The following FNBP1L variants were observed in gnomAD, a reference collection of about 807,000 sequenced individuals.
FNBP1L encodes the protein formin-binding protein 1-like.
FNBP1L carries 36 observed loss-of-function variants against 91.2 expected under a neutral mutation model. The ratio of observed to expected loss-of-function variants is 0.39; its 90% CI spans 0.30 to 0.52. FNBP1L has a LOEUF of 0.52. Ranked by LOEUF, FNBP1L falls within the 20% of genes least tolerant of loss-of-function variation. The pLI is 0.66. For missense variants in FNBP1L, 571 were observed against 732.1 expected (o/e 0.78, Z 2.54); for synonymous variants, 242 against 237.0 (o/e 1.02, Z -0.19).
At chr1:93,452,674 C>A (rs905992911) in intron 1 of FNBP1L, among the ~76,000 whole-genome samples, 2 of 152,142 alleles carry the variant, frequency 1.3e-5, no homozygotes, top group African/African-American at 4.8e-5. Flanking sequence ...AATCGTCCTT[C>A]CTTAAGCTCT....
intron 2 of FNBP1L, among the ~76,000 whole-genome samples, chr1:93,509,499 G>A (rs1218812913): frequency 1.3e-5 from 2 of 152,218 alleles, no homozygotes; most frequent in African/African-American, 2.4e-5. Flanking sequence ...TCCACAAGCT[G>A]TTACAAAAGA....
chr1:93,546,255 A>G (rs1313283671), intron 12 of FNBP1L, among the ~76,000 whole-genome samples: 1 of 152,122 alleles, frequency 6.6e-6, no homozygotes, highest in East Asian at 1.9e-4. Context: ...GAAGGAAAAG[A>G]GTATTAAGGA....
Position 93,483,016 on chromosome 1 carries a change from T to TAA in FNBP1L, c.25-16445_25-16444dup, listed in dbSNP as rs761508055. ...CTGGACGACAGAGCAAGACTCCGTCTAAAAAAAACAAAAAAAACAAAAAAC... is the reference window on the plus strand; with the variant it reads ...CTGGACGACAGAGCAAGACTCCGTCTAAAAAAAAAACAAAAAAAACAAAAAAC... On this transcript the variant is annotated intron_variant, in intron 1 of 16. Coordinates refer to ENST00000271234, the MANE Select transcript of FNBP1L (RefSeq NM_001164473.3). Among the ~76,000 whole-genome samples the TAA allele has an allele frequency of 2.3e-3, 268 of 115,332 alleles. 4 individuals carry two copies. Among genetic ancestry groups the TAA allele is most frequent in the African/African-American group, 7.3e-3 (224 of 30,896 alleles). 75.7% of individuals were successfully genotyped at this position (115,332 alleles called of 152,430 possible).
chr1:93,494,922 A>G (rs1670213921), intron 1 of FNBP1L, among the ~76,000 whole-genome samples: 1 of 152,144 alleles, frequency 6.6e-6, no homozygotes, highest in Non-Finnish European at 1.5e-5. Context: ...ATCAGATCTC[A>G]TGAGACTTAT....
Position 93,518,620 on chromosome 1 carries a change from A to C in FNBP1L, c.141-3462A>C, listed in dbSNP as rs138670176. The stretch of plus-strand genomic sequence containing the variant: ...GTAAAAGAAGATTAAAAAGTAGATA[A>C]ATTTCATTTTAGACTTGTTGAATAG... On this transcript the variant is annotated intron_variant, in intron 2 of 16. Coordinates refer to ENST00000271234, the MANE Select transcript of FNBP1L (RefSeq NM_001164473.3). 5.6e-4 allele frequency among the ~76,000 whole-genome samples: 86 copies of C among 152,242 alleles called. 1 individual carries two copies. The East Asian group carries it at 0.014, about 24-fold the overall frequency.
At chr1:93,482,816 G>A (rs1156903337) in intron 1 of FNBP1L, among the ~76,000 whole-genome samples, 3 of 151,998 alleles carry the variant, frequency 2.0e-5, no homozygotes, top group South Asian at 4.2e-4. Flanking sequence ...TCAGGAGATC[G>A]AGACCATCCT....
At chr1:93,530,986 T>C in intron 7 of FNBP1L, 103 bp downstream of exon 7, 1 of 947,100 alleles carries the variant, frequency 1.1e-6, no homozygotes, top group Non-Finnish European at 1.5e-6. Flanking sequence ...TCACTAGACA[T>C]CAGGGTTGGG....
chr1:93,507,123 T>A (rs1433715880), intron 2 of FNBP1L, among the ~76,000 whole-genome samples: 9 of 144,000 alleles, frequency 6.3e-5, no homozygotes, highest in South Asian at 2.4e-4. Context: ...TCTCTCTCTC[T>A]CTCTCTCTCT....
intron 2 of FNBP1L, among the ~76,000 whole-genome samples, chr1:93,509,982 T>C (rs1670769709): frequency 6.6e-6 from 1 of 152,162 alleles, no homozygotes; most frequent in South Asian, 2.1e-4. Context: ...GTCTTGCTGA[T>C]TGCTAGCACA....
At chr1:93,517,469 G>T (rs1168565041) in intron 2 of FNBP1L, among the ~76,000 whole-genome samples, 1 of 152,144 alleles carries the variant, frequency 6.6e-6, no homozygotes, top group Non-Finnish European at 1.5e-5. Context: ...TGAGATTGCA[G>T]GCGTGAGACA....
intron 2 of FNBP1L, 76 bp from the exon 3 acceptor site, chr1:93,522,006 A>G (rs1366495122): frequency 1.1e-6 from 1 of 882,178 alleles, no homozygotes; most frequent in East Asian, 3.1e-5. Context: ...ATTGAATGAA[A>G]TTGAAAACTT....
At chr1:93,465,290 G>A (rs1288636203) in intron 1 of FNBP1L, among the ~76,000 whole-genome samples, 2 of 151,842 alleles carry the variant, frequency 1.3e-5, no homozygotes, top group African/African-American at 4.8e-5. Flanking sequence ...TGCCATGTTG[G>A]TTTGCTGCAC....
chr1:93,452,868 A>G (rs934248056), intron 1 of FNBP1L, among the ~76,000 whole-genome samples: 1 of 152,198 alleles, frequency 6.6e-6, no homozygotes, highest in Admixed American at 6.5e-5. Flanking sequence ...AAATACAATA[A>G]TTTTGTGTCT....
At chr1:93,466,688 CT>C (rs1157138572) in intron 1 of FNBP1L, among the ~76,000 whole-genome samples, 5 of 152,088 alleles carry the variant, frequency 3.3e-5, no homozygotes, top group South Asian at 2.1e-4. Flanking sequence ...TGTGTGGGCT[CT>C]TTTTTTGGTT....
chr1:93,487,925 C>A (rs1051113143), intron 1 of FNBP1L, among the ~76,000 whole-genome samples: 2 of 152,112 alleles, frequency 1.3e-5, no homozygotes, highest in African/African-American at 4.8e-5. Flanking sequence ...ATTTAGTTGC[C>A]TACTCAACAT....
In FNBP1L at chr1:93,534,906, A is replaced by G; in HGVS notation, c.988A>G (p.Lys330Glu). 6.4e-7 allele frequency: 1 copy of G among 1,562,244 alleles called. No individual in the cohort carries two copies. The highest frequency in any genetic ancestry group is 8.7e-7 in the Non-Finnish European group (1 of 1,152,450). Residue 330 changes from lysine (K) to glutamate (E), a missense_variant and splice_region_variant, in exon 9 of 17, where the codon AAG becomes GAG. Around this residue, in one of 5 missense-constraint regions of FNBP1L, gnomAD observed 150 missense variants for 155.9 expected, o/e 0.96. Transcript: ENST00000271234. ...ATTGTGGCTCTTTGGAAAGAAGCCAAAGGTAAAAGTCATAAAATTCCTATA... is the reference window on the plus strand; with the variant it reads ...ATTGTGGCTCTTTGGAAAGAAGCCAGAGGTAAAAGTCATAAAATTCCTATA... ...GKLWLFGKKPKPQSPPLTPTS... is the reference protein window; with the variant it reads ...GKLWLFGKKPEPQSPPLTPTS...
chr1:93,459,875 A>G (rs1421837488), intron 1 of FNBP1L, among the ~76,000 whole-genome samples: 1 of 151,934 alleles, frequency 6.6e-6, no homozygotes, highest in Non-Finnish European at 1.5e-5. Flanking sequence ...CTCTAATACA[A>G]GAGTACACAT....
At chr1:93,495,271 G>A (rs2101721230) in intron 1 of FNBP1L, among the ~76,000 whole-genome samples, 1 of 152,250 alleles carries the variant, frequency 6.6e-6, no homozygotes, top group Non-Finnish European at 1.5e-5. Flanking sequence ...TGTCTAGATT[G>A]TTTCAATAAT....
chr1:93,539,266 T>G (rs1671946607), intron 10 of FNBP1L, among the ~76,000 whole-genome samples: 1 of 152,058 alleles, frequency 6.6e-6, no homozygotes, highest in Non-Finnish European at 1.5e-5. Context: ...TAATTTTAAT[T>G]GTCTAAATGA....
Sources: allele counts gnomAD v4.1 joint callset (sites outside exome capture counted in the v4.1 genomes callset), GRCh38; gene constraint gnomAD v4.1.1; regional missense constraint gnomAD v4.1.1; transcripts MANE v1.5; gene names NCBI Gene and HGNC (gene_info 2026-07-23, HGNC 2026-07-21).